The following GALNT14 variants were observed in gnomAD, a reference collection of about 807,000 sequenced individuals.
GALNT14 encodes polypeptide N-acetylgalactosaminyltransferase 14.
GALNT14 carries 60 observed loss-of-function variants against 77.5 expected under a neutral mutation model. The observed-to-expected ratio is 0.77, with a 90% confidence interval of 0.63 to 0.96. The LOEUF (loss-of-function observed/expected upper bound fraction) is 0.96, where lower values mean the gene tolerates loss of function less well. Among genes scored for constraint, GALNT14 ranks in the 40% least tolerant of loss-of-function variants. The probability of loss-of-function intolerance (pLI) is 0.00; values close to 1 mark genes in which losing one functional copy is unlikely to be tolerated. For synonymous variants in GALNT14, 280 were observed against 281.7 expected (o/e 0.99, Z 0.06); for missense variants, 710 against 731.0 (o/e 0.97, Z 0.33).
chr2:31,111,951 A>G (rs1327574591), intron 1 of GALNT14, among the ~76,000 whole-genome samples: 6 of 149,746 alleles, frequency 4.0e-5, no homozygotes, highest in Non-Finnish European at 7.4e-5. Context: ...TGTTGCCTCT[A>G]GTGATGGGGC....
At chr2:31,004,275 A>G (rs1226854637) in intron 1 of GALNT14, among the ~76,000 whole-genome samples, 2 of 152,214 alleles carry the variant, frequency 1.3e-5, no homozygotes, top group Admixed American at 6.5e-5. Context: ...GACTCAGGAA[A>G]AAAAGGATTT....
At chr2:31,126,818 A>G (rs1341214143) in intron 1 of GALNT14, 1 of 152,218 alleles carries the variant, frequency 6.6e-6, no homozygotes, top group African/African-American at 2.4e-5. Context: ...ATGATCCAGC[A>G]CATACTTTGG....
chr2:31,009,599 C>T (rs140731303), intron 1 of GALNT14, among the ~76,000 whole-genome samples: 4 of 152,250 alleles, frequency 2.6e-5, no homozygotes, highest in African/African-American at 9.6e-5. Flanking sequence ...ATCAAAAAAA[C>T]GCCTACTGGA....
intron 13 of GALNT14, among the ~76,000 whole-genome samples, chr2:30,919,265 C>T (rs1664887662): frequency 6.6e-6 from 1 of 152,198 alleles, no homozygotes; most frequent in South Asian, 2.1e-4. Context: ...TCACCTAAGG[C>T]ATCAGTTTTC....
chr2:30,964,156 C>T (rs1336804432), intron 3 of GALNT14, among the ~76,000 whole-genome samples: 4 of 152,120 alleles, frequency 2.6e-5, no homozygotes, highest in African/African-American at 9.7e-5. Context: ...GCCTGGAAAG[C>T]GAGGGGCCTC....
At chr2:31,067,843 A>T (rs767376499) in intron 1 of GALNT14, among the ~76,000 whole-genome samples, 9 of 152,204 alleles carry the variant, frequency 5.9e-5, no homozygotes, top group Non-Finnish European at 1.3e-4. Flanking sequence ...TAAGTCACTC[A>T]GTGGCTAAGG....
intron 1 of GALNT14, among the ~76,000 whole-genome samples, chr2:31,062,938 C>T (rs962840761): frequency 1.3e-5 from 2 of 151,990 alleles, no homozygotes; most frequent in African/African-American, 4.8e-5. Flanking sequence ...AATTTGCTTA[C>T]GTTCCTTGTA....
chr2:30,976,710 G>T (rs1161137867), intron 2 of GALNT14, among the ~76,000 whole-genome samples: 2 of 152,142 alleles, frequency 1.3e-5, no homozygotes, highest in Admixed American at 6.5e-5. Context: ...GTTGGGCCAA[G>T]ACTTATTTTT....
chr2:31,113,824 G>GA (rs1677961225), intron 1 of GALNT14, among the ~76,000 whole-genome samples: 1 of 152,160 alleles, frequency 6.6e-6, no homozygotes. Context: ...GAGGTGGGGG[G>GA]AAAGTCTCTT....
intron 1 of GALNT14, among the ~76,000 whole-genome samples, chr2:31,034,437 A>G (rs982584921): frequency 2.6e-5 from 4 of 152,202 alleles, no homozygotes; most frequent in Non-Finnish European, 5.9e-5. Context: ...AATGCAGCCT[A>G]GCACCACAGC....
intron 1 of GALNT14, among the ~76,000 whole-genome samples, chr2:31,013,873 G>T (rs1163608537): frequency 6.6e-6 from 1 of 150,862 alleles, no homozygotes; most frequent in South Asian, 2.1e-4. Context: ...ACAGCTATGG[G>T]AATGGTCATG....
chr2:31,122,381 G>T (rs1678458937), intron 1 of GALNT14, among the ~76,000 whole-genome samples: 1 of 152,244 alleles, frequency 6.6e-6, no homozygotes, highest in African/African-American at 2.4e-5. Context: ...CCCACATGGG[G>T]GAATGGGAGC....
chr2:31,117,951 G>A (rs1406072312), intron 1 of GALNT14, among the ~76,000 whole-genome samples: 1 of 152,184 alleles, frequency 6.6e-6, no homozygotes, highest in African/African-American at 2.4e-5. Context: ...GGCAGATCGT[G>A]CATGGGAGGT....
chr2:30,985,747 C>T (rs1440484114), intron 2 of GALNT14, among the ~76,000 whole-genome samples: 1 of 152,188 alleles, frequency 6.6e-6, no homozygotes, highest in Non-Finnish European at 1.5e-5. Flanking sequence ...AAAAGTGGCA[C>T]ATGGGGGACC....
At chr2:30,890,158 C>T in the GALNT14 span, among the ~76,000 whole-genome samples, 3 of 152,194 alleles carry the variant, frequency 2.0e-5, no homozygotes, top group East Asian at 1.9e-4. Context: ...AGGAGGAGCC[C>T]GGTGGTCTAC....
At chr2:31,065,577 G>A (rs577783891) in intron 1 of GALNT14, among the ~76,000 whole-genome samples, 30 of 152,326 alleles carry the variant, frequency 2.0e-4, no homozygotes, top group African/African-American at 6.7e-4. Flanking sequence ...AAGAGGCCAG[G>A]AGGAGGGCCT....
intron 3 of GALNT14, among the ~76,000 whole-genome samples, chr2:30,960,024 A>G (rs1183285183): frequency 6.6e-6 from 1 of 152,208 alleles, no homozygotes; most frequent in African/African-American, 2.4e-5. Context: ...CTCTACTGGA[A>G]GAGAACTTAG....
intron 1 of GALNT14, among the ~76,000 whole-genome samples, chr2:31,011,775 G>A (rs895981464): frequency 1.3e-5 from 2 of 152,124 alleles, no homozygotes; most frequent in African/African-American, 2.4e-5. Context: ...ACCCCATGCC[G>A]AGCACAGTCA....
chr2:31,108,062 G>A (rs1677645017), intron 1 of GALNT14, among the ~76,000 whole-genome samples: 1 of 152,158 alleles, frequency 6.6e-6, no homozygotes, highest in Non-Finnish European at 1.5e-5. Flanking sequence ...CTGGCTGGCT[G>A]CAAAAGTAGC....
Sources: allele counts gnomAD v4.1 joint callset (sites outside exome capture counted in the v4.1 genomes callset), GRCh38; gene constraint gnomAD v4.1.1; transcripts MANE v1.5; gene names NCBI Gene and HGNC (gene_info 2026-07-23, HGNC 2026-07-21).